The following RALB variants were observed in gnomAD, a reference collection of about 807,000 sequenced individuals.
RALB encodes the protein RAS like proto-oncogene B.
In RALB, 16 loss-of-function variants were observed where a neutral mutation model predicts 21.3. The ratio of observed to expected loss-of-function variants is 0.75; its 90% CI spans 0.51 to 1.14. The LOEUF (loss-of-function observed/expected upper bound fraction) is 1.14. Ranked by LOEUF, RALB falls within the 50% of genes most tolerant of loss-of-function variation. The pLI is 0.00. For synonymous variants in RALB, 93 were observed against 96.1 expected (o/e 0.97, Z 0.19); for missense variants, 161 against 256.2 (o/e 0.63, Z 2.54).
chr2:120,281,777 G>C (rs554086914), intron 2 of RALB, among the ~76,000 whole-genome samples: 2 of 152,164 alleles, frequency 1.3e-5, no homozygotes, highest in African/African-American at 4.8e-5. Context: ...ATTTGCTTAC[G>C]AAAGCTTTTT....
chr2:120,258,447 A>G (rs1009021076), intron 1 of RALB, among the ~76,000 whole-genome samples: 1 of 152,192 alleles, frequency 6.6e-6, no homozygotes, highest in African/African-American at 2.4e-5. Context: ...TGGCACATTC[A>G]CAGGGCTGGA....
At chr2:120,267,955 C>T (rs1164880787) in intron 1 of RALB, among the ~76,000 whole-genome samples, 1 of 152,042 alleles carries the variant, frequency 6.6e-6, no homozygotes, top group African/African-American at 2.4e-5. Flanking sequence ...CCATGCCCAG[C>T]TAATTTTTGT....
At chr2:120,293,015 T>C in intron 4 of RALB, 126 bp from the exon 5 acceptor site, 1 of 996,012 alleles carries the variant, frequency 1.0e-6, no homozygotes, top group Non-Finnish European at 1.4e-6. Flanking sequence ...CTACATATCC[T>C]GCTTAGTCAA....
upstream of RALB, among the ~76,000 whole-genome samples, chr2:120,251,222 A>G (rs72956846): frequency 0.017 from 2,635 of 152,260 alleles, 81 homozygotes; most frequent in African/African-American, 0.061. Flanking sequence ...CTTGCATTTG[A>G]CAAAGGGTAC....
intron 4 of RALB, among the ~76,000 whole-genome samples, chr2:120,292,418 T>C (rs567126406): frequency 6.6e-6 from 1 of 152,290 alleles, no homozygotes; most frequent in South Asian, 2.1e-4. Context: ...CTGTCATGCA[T>C]AATGATGTTC....
chr2:120,268,287 TC>T (rs1689555645), intron 1 of RALB, among the ~76,000 whole-genome samples: 1 of 150,030 alleles, frequency 6.7e-6, no homozygotes, highest in South Asian at 2.1e-4. Context: ...TGCTCCTGAG[TC>T]CCAGCCCTAT....
intron 2 of RALB, among the ~76,000 whole-genome samples, chr2:120,282,635 T>A (rs1690019643): frequency 6.6e-6 from 1 of 152,056 alleles, no homozygotes. Flanking sequence ...CTCTTCTTTC[T>A]GTTCTCTTCA....
intron 1 of RALB, among the ~76,000 whole-genome samples, chr2:120,277,420 T>TTA (rs1689831450): frequency 6.9e-6 from 1 of 144,290 alleles, no homozygotes; most frequent in Admixed American, 6.7e-5. Context: ...CGCATGTGCA[T>TTA]GTTAGAGCCT....
intron 1 of RALB, among the ~76,000 whole-genome samples, chr2:120,268,038 C>T (rs1689547973): frequency 6.6e-6 from 1 of 152,210 alleles, no homozygotes. Flanking sequence ...GATCTGCCCG[C>T]CTTAGCCTCC....
At chr2:120,253,748 G>GA (rs1282961044) in intron 1 of RALB, 1 of 980,844 alleles carries the variant, frequency 1.0e-6, no homozygotes, top group Non-Finnish European at 1.2e-6. Flanking sequence ...CTTCGGGAGA[G>GA]AAGTGCTTGT....
chr2:120,278,495 A>G, intron 1 of RALB, 123 bp from the exon 2 acceptor site: 1 of 971,966 alleles, frequency 1.0e-6, no homozygotes, highest in Non-Finnish European at 1.4e-6. Flanking sequence ...CTGAGCCTGA[A>G]AGGATTACTT....
At position 120,293,925 on chromosome 2, in the gene RALB, G is replaced by GTTATTT. The variant is rs1690365801; in HGVS notation, c.*668_*673dup. On this transcript the variant is annotated 3_prime_UTR_variant, in exon 5 of 5. Transcript: ENST00000272519. ...CATTGGCCTATTATAATCTGTGTTGGTTATTTTTCTCCTGTAAGCATCCTG... is the reference window on the plus strand; with the variant it reads ...CATTGGCCTATTATAATCTGTGTTGGTTATTTTTATTTTTCTCCTGTAAGCATCCTG... 1 of 388,054 alleles carries GTTATTT rather than the reference G, an allele frequency of 2.6e-6. No homozygotes were observed. Among genetic ancestry groups the GTTATTT allele is most frequent in the Non-Finnish European group, 4.5e-6 (1 of 220,146 alleles). The allele number at this position is 388,054 out of a possible 1,614,324, so 24.0% of individuals were successfully genotyped here. A position where few individuals can be genotyped will look rare whatever the true frequency, so the allele number is the denominator to read the frequency against.
intron 1 of RALB, among the ~76,000 whole-genome samples, chr2:120,268,112 A>G (rs905242010): frequency 1.3e-5 from 2 of 152,226 alleles, no homozygotes; most frequent in African/African-American, 4.8e-5. Flanking sequence ...TAAAAGCACT[A>G]TATGAGCAAA....
chr2:120,261,171 A>G (rs4848582), intron 1 of RALB, among the ~76,000 whole-genome samples: 105,713 of 152,098 alleles, frequency 0.7, 37,335 homozygotes, highest in Middle Eastern at 0.8. Context: ...GGTCAAAGGC[A>G]CACACGCATG....
chr2:120,259,724 G>A (rs1689303533), intron 1 of RALB, among the ~76,000 whole-genome samples: 1 of 152,266 alleles, frequency 6.6e-6, no homozygotes. Context: ...AGGTGGAGCT[G>A]CCTGCCAGTC....
intron 1 of RALB, among the ~76,000 whole-genome samples, chr2:120,263,499 T>G (rs1273677217): frequency 1.3e-5 from 2 of 152,220 alleles, no homozygotes. Context: ...TACTGAGAAC[T>G]TCTTTTAATA....
intron 3 of RALB, 26 bp downstream of exon 3, chr2:120,286,108 G>T (rs754158917): frequency 5.9e-5 from 94 of 1,606,324 alleles, no homozygotes; most frequent in Admixed American, 5.0e-5. Context: ...AATAGCAGAA[G>T]CCCCCAGGAA....
intron 3 of RALB, among the ~76,000 whole-genome samples, chr2:120,289,275 AC>A (rs1305693693): frequency 7.0e-6 from 1 of 142,014 alleles, no homozygotes; most frequent in African/African-American, 2.9e-5. Flanking sequence ...TAAGTTGGGG[AC>A]CCTGTTGTGA....
At chr2:120,271,719 G>T (rs2104617931) in intron 1 of RALB, among the ~76,000 whole-genome samples, 1 of 152,286 alleles carries the variant, frequency 6.6e-6, no homozygotes, top group Middle Eastern at 3.4e-3. Context: ...ACTCCCATCT[G>T]CTGAATGGAC....
Sources: gnomAD v4.1 joint callset for allele counts (sites outside exome capture counted in the v4.1 genomes callset) on GRCh38, gnomAD v4.1.1 for gene constraint, MANE v1.5 for transcripts, NCBI Gene and HGNC (gene_info 2026-07-23, HGNC 2026-07-21) for gene names.